Variants in NKAIN3 observed in about 807,000 individuals in gnomAD.
NKAIN3 encodes the protein sodium/potassium-transporting ATPase subunit beta-1-interacting protein 3.
In NKAIN3, 25 loss-of-function variants were observed where a neutral mutation model predicts 30.2. That is an observed-to-expected ratio of 0.83 (90% CI 0.60 to 1.16). The LOEUF is 1.16. Among genes scored for constraint, NKAIN3 ranks in the 50% most tolerant of loss-of-function variants. The pLI is 0.00. For synonymous variants in NKAIN3, 91 were observed against 89.6 expected (o/e 1.02, Z -0.09); for missense variants, 225 against 254.1 (o/e 0.89, Z 0.78).
At chr8:62,746,338 C>T (rs2130582128) in intron 3 of NKAIN3, among the ~76,000 whole-genome samples, 1 of 152,312 alleles carries the variant, frequency 6.6e-6, no homozygotes, top group South Asian at 2.1e-4. Context: ...ATGATCATCT[C>T]CCCATCTCAT....
intron 1 of NKAIN3, among the ~76,000 whole-genome samples, chr8:62,565,663 T>C (rs1809726131): frequency 6.6e-6 from 1 of 152,142 alleles, no homozygotes; most frequent in Non-Finnish European, 1.5e-5. Flanking sequence ...GATTTAAATT[T>C]GGTGAAACTA....
At chr8:62,578,647 G>T (rs563579757) in intron 1 of NKAIN3, among the ~76,000 whole-genome samples, 1 of 117,228 alleles carries the variant, frequency 8.5e-6, no homozygotes, top group South Asian at 2.7e-4. Flanking sequence ...TAGGTAGAAG[G>T]TTTTTTTTGT....
intron 3 of NKAIN3, among the ~76,000 whole-genome samples, chr8:62,674,346 A>G (rs1468787926): frequency 2.0e-5 from 3 of 152,146 alleles, no homozygotes; most frequent in Non-Finnish European, 4.4e-5. Context: ...ATTTCCTCAG[A>G]AGCAGATGTA....
intron 1 of NKAIN3, among the ~76,000 whole-genome samples, chr8:62,307,008 T>C (rs1814267309): frequency 6.7e-6 from 1 of 150,044 alleles, no homozygotes; most frequent in Non-Finnish European, 1.5e-5. Context: ...GCTACTTGGA[T>C]TTTTATGAGT....
rs1823731729 is a variant in NKAIN3 at position 62,967,078 on chromosome 8, T to C, written c.*1671T>C. On this transcript the variant is annotated 3_prime_UTR_variant, in exon 7 of 7. Transcript: ENST00000623646. ...TTGGTACCCACAAACTCCCATTACT[T>C]TTTTTTCTGCTTAATAAATCCAAAT... 6.6e-6 allele frequency among the ~76,000 whole-genome samples: 1 copy of C among 151,884 alleles called. No homozygotes were observed. Among genetic ancestry groups the C allele is most frequent in the African/African-American group, 2.4e-5 (1 of 41,192 alleles).
chr8:62,453,757 G>A lies in NKAIN3; in HGVS notation c.55-125782G>A, dbSNP rs186381959. Among the ~76,000 whole-genome samples, 288 of 152,136 alleles carry A rather than the reference G, an allele frequency of 1.9e-3. 1 individual carries two copies. The highest frequency in any genetic ancestry group is 6.6e-3 in the African/African-American group (275 of 41,540). ...GAGACTGTTATAAGCACCGATATGC[G>A]CATAAGCTAGAAAACATAGAAGAAA... On this transcript the variant is annotated intron_variant, in intron 1 of 6. Transcript: ENST00000623646.
intron 1 of NKAIN3, among the ~76,000 whole-genome samples, chr8:62,376,103 G>A (rs1817073725): frequency 6.6e-6 from 1 of 152,184 alleles, no homozygotes; most frequent in African/African-American, 2.4e-5. Context: ...TATTAGGAGT[G>A]AGGAGCACTA....
At chr8:62,751,190 C>A (rs981754740) in intron 4 of NKAIN3, among the ~76,000 whole-genome samples, 1 of 152,182 alleles carries the variant, frequency 6.6e-6, no homozygotes, top group African/African-American at 2.4e-5. Context: ...CAGCGGCCTG[C>A]ATGGAATGGG....
chr8:62,249,212 C>T, intron 1 of NKAIN3, 85 bp downstream of exon 1: 4 of 1,202,834 alleles, frequency 3.3e-6, no homozygotes, highest in Admixed American at 2.3e-5. Flanking sequence ...TCCGCAGCTC[C>T]CGGCAAGGGG....
intron 4 of NKAIN3, among the ~76,000 whole-genome samples, chr8:62,875,814 T>C (rs1048404674): frequency 6.6e-6 from 1 of 152,124 alleles, no homozygotes. Context: ...TTACATCTTA[T>C]ACAAAAATTA....
chr8:62,388,594 C>T (rs1269926598), intron 1 of NKAIN3, among the ~76,000 whole-genome samples: 1 of 152,174 alleles, frequency 6.6e-6, no homozygotes, highest in Non-Finnish European at 1.5e-5. Flanking sequence ...ACACCAAGTG[C>T]TACTTTAGAC....
intron 3 of NKAIN3, among the ~76,000 whole-genome samples, chr8:62,691,252 G>A (rs1288082763): frequency 1.3e-5 from 2 of 152,110 alleles, no homozygotes; most frequent in Non-Finnish European, 2.9e-5. Flanking sequence ...TTGTAGAGAG[G>A]TGCACTGAAA....
intron 3 of NKAIN3, among the ~76,000 whole-genome samples, chr8:62,650,640 A>G (rs961161026): frequency 6.6e-6 from 1 of 152,140 alleles, no homozygotes; most frequent in African/African-American, 2.4e-5. Context: ...ATTATATACC[A>G]ATATACAGCA....
At chr8:62,387,923 C>T (rs1455227821) in intron 1 of NKAIN3, among the ~76,000 whole-genome samples, 1 of 152,112 alleles carries the variant, frequency 6.6e-6, no homozygotes, top group Non-Finnish European at 1.5e-5. Flanking sequence ...AGCAAATATC[C>T]TGCAACAAAA....
intron 1 of NKAIN3, among the ~76,000 whole-genome samples, chr8:62,416,764 G>A (rs569980290): frequency 5.3e-5 from 8 of 152,042 alleles, no homozygotes; most frequent in Non-Finnish European, 1.0e-4. Context: ...TGAGACTGGG[G>A]CGGGCAGATC....
intron 5 of NKAIN3, among the ~76,000 whole-genome samples, chr8:62,939,873 C>A (rs1362646108): frequency 6.6e-6 from 1 of 151,604 alleles, no homozygotes. Flanking sequence ...ATTCAGGCAA[C>A]AACTAGCATG....
intron 1 of NKAIN3, among the ~76,000 whole-genome samples, chr8:62,533,974 GTCCCTTTCTGTGATTGTC>G (rs1456779790): frequency 1.3e-5 from 2 of 152,162 alleles, no homozygotes; most frequent in African/African-American, 4.8e-5. Flanking sequence ...GACACTGCAA[GTCCCTTTCTGTGATTGTC>G]TCCGGCTGAC....
rs1231917432 is a variant in NKAIN3, at chr8:62,975,927, G to A, written c.*10520G>A. On this transcript the variant is annotated 3_prime_UTR_variant, in exon 7 of 7. Coordinates refer to ENST00000623646, the MANE Select transcript of NKAIN3 (RefSeq NM_001304533.3). ...CAAAGAACTTATTTATTTCTGCTGT[G>A]ATCTCATTATTTTCCCAGGAGTCAT... 1.3e-5 allele frequency among the ~76,000 whole-genome samples: 2 copies of A among 152,082 alleles called. No homozygotes were observed.
At chr8:62,788,857 T>C (rs1817611652) in intron 4 of NKAIN3, among the ~76,000 whole-genome samples, 1 of 152,138 alleles carries the variant, frequency 6.6e-6, no homozygotes, top group Non-Finnish European at 1.5e-5. Flanking sequence ...ATATGCGGCA[T>C]TATTTCTGAG....
Sources: gnomAD v4.1 joint callset for allele counts (sites outside exome capture counted in the v4.1 genomes callset) on GRCh38, gnomAD v4.1.1 for gene constraint, MANE v1.5 for transcripts, NCBI Gene and HGNC (gene_info 2026-07-23, HGNC 2026-07-21) for gene names.